Variants in PTPRD observed in about 807,000 individuals in gnomAD.
The protein encoded by PTPRD is protein tyrosine phosphatase receptor type D, also known as receptor-type tyrosine-protein phosphatase delta.
A neutral mutation model predicts 214.5 loss-of-function variants in PTPRD; 34 were observed. That is an observed-to-expected ratio of 0.16 (90% CI 0.12 to 0.21). The LOEUF (loss-of-function observed/expected upper bound fraction) is 0.21, where lower values mean the gene tolerates loss of function less well. Among genes scored for constraint, PTPRD ranks in the 10% least tolerant of loss-of-function variants. PTPRD has a pLI of 1.00. For synonymous variants in PTPRD, 1,128 were observed against 845.7 expected, an observed-to-expected ratio of 1.33 and a Z score of -5.79; for missense variants, 2,545 against 2,398.7, an observed-to-expected ratio of 1.06 and a Z score of -1.27.
chr9:9,167,748 T>A (rs1014244633), intron 10 of PTPRD, among the ~76,000 whole-genome samples: 2 of 152,100 alleles, frequency 1.3e-5, no homozygotes, highest in Non-Finnish European at 2.9e-5. Context: ...AGAGCAAAAC[T>A]CTGTCTTAAA....
intron 10 of PTPRD, among the ~76,000 whole-genome samples, chr9:9,075,365 T>A (rs1041431553): frequency 3.3e-5 from 5 of 152,132 alleles, no homozygotes; most frequent in Non-Finnish European, 7.4e-5. Flanking sequence ...AATCACCCCG[T>A]TGTACTTTCA....
At chr9:9,381,896 C>T (rs547859658) in intron 9 of PTPRD, among the ~76,000 whole-genome samples, 8 of 138,758 alleles carry the variant, frequency 5.8e-5, no homozygotes, top group African/African-American at 1.9e-4. Flanking sequence ...ATTGTTTTGA[C>T]TATTTCTGTA....
intron 10 of PTPRD, among the ~76,000 whole-genome samples, chr9:9,161,554 G>C (rs536654570): frequency 2.0e-5 from 3 of 152,028 alleles, no homozygotes; most frequent in Non-Finnish European, 4.4e-5. Context: ...AGAAGCTAGA[G>C]ATGTAACAAA....
At chr9:9,845,563 G>C (rs1044970944) in intron 5 of PTPRD, among the ~76,000 whole-genome samples, 1 of 151,760 alleles carries the variant, frequency 6.6e-6, no homozygotes, top group African/African-American at 2.4e-5. Flanking sequence ...TTCTGATATG[G>C]CTAGAGACTC....
At chr9:8,950,554 GCT>G (rs1188637014) in intron 11 of PTPRD, among the ~76,000 whole-genome samples, 2 of 151,284 alleles carry the variant, frequency 1.3e-5, no homozygotes, top group African/African-American at 4.9e-5. Flanking sequence ...AAATAACAGA[GCT>G]CTCTGTAATG....
chr9:9,241,940 C>T (rs4554527), intron 9 of PTPRD, among the ~76,000 whole-genome samples: 75,642 of 151,216 alleles, frequency 0.5, 19,061 homozygotes, highest in African/African-American at 0.55. Context: ...TTCCCAGCAT[C>T]GATGGTCTTT....
At chr9:9,212,356 C>G (rs991919859) in intron 9 of PTPRD, among the ~76,000 whole-genome samples, 1 of 152,184 alleles carries the variant, frequency 6.6e-6, no homozygotes, top group East Asian at 1.9e-4. Flanking sequence ...GTGATTTTTC[C>G]CTATGCTGAA....
chr9:8,587,786 G>A (rs952363934), intron 14 of PTPRD, among the ~76,000 whole-genome samples: 1 of 152,196 alleles, frequency 6.6e-6, no homozygotes, highest in African/African-American at 2.4e-5. Context: ...AAAACACTTA[G>A]TAGGAAAGGA....
At chr9:8,807,266 GGCAGAGGTTGCAGTGA>G (rs1462655086) in intron 11 of PTPRD, among the ~76,000 whole-genome samples, 2 of 152,090 alleles carry the variant, frequency 1.3e-5, no homozygotes, top group Non-Finnish European at 2.9e-5. Context: ...GAACCCGGGA[GGCAGAGGTTGCAGTGA>G]GCCGAGATCG....
At chr9:10,491,167 G>A (rs1433729638) in intron 2 of PTPRD, among the ~76,000 whole-genome samples, 1 of 152,092 alleles carries the variant, frequency 6.6e-6, no homozygotes, top group Non-Finnish European at 1.5e-5. Context: ...ATGAATACAT[G>A]AATATGAGTA....
rs1026212692 is a variant in PTPRD, at chr9:10,358,908, G to T, written c.-599-17891C>A. Among the ~76,000 whole-genome samples, 5 of 151,958 alleles carry T rather than the reference G, an allele frequency of 3.3e-5. No homozygotes were observed. In the South Asian group the frequency reaches 1.0e-3, roughly 31 times the overall value. Reference sequence around the variant, plus strand: ...GTAAACATGTGTATCTTCCATGGTTGCTGGTTGGTATACTGTAGTATGCAA... The same window carrying T: ...GTAAACATGTGTATCTTCCATGGTTTCTGGTTGGTATACTGTAGTATGCAA... On this transcript the variant is annotated intron_variant, in intron 2 of 45. Coordinates refer to ENST00000381196, the MANE Select transcript of PTPRD (RefSeq NM_002839.4).
At chr9:9,229,085 T>C (rs1450707207) in intron 9 of PTPRD, among the ~76,000 whole-genome samples, 1 of 152,308 alleles carries the variant, frequency 6.6e-6, no homozygotes, top group Middle Eastern at 3.4e-3. Context: ...GACCTTTTTG[T>C]TTCCCTGTAA....
chr9:9,039,124 C>T (rs1024684010), intron 10 of PTPRD, among the ~76,000 whole-genome samples: 1 of 152,106 alleles, frequency 6.6e-6, no homozygotes, highest in Admixed American at 6.6e-5. Flanking sequence ...ACAAGCTATA[C>T]ACATGGATAG....
chr9:9,481,960 C>A (rs1237408911), intron 8 of PTPRD, among the ~76,000 whole-genome samples: 1 of 152,048 alleles, frequency 6.6e-6, no homozygotes, highest in East Asian at 1.9e-4. Flanking sequence ...TGAATTATCA[C>A]AGGTATATTT....
intron 12 of PTPRD, among the ~76,000 whole-genome samples, chr9:8,670,171 T>C (rs896809347): frequency 1.3e-5 from 2 of 152,136 alleles, no homozygotes; most frequent in Non-Finnish European, 2.9e-5. Flanking sequence ...CAGAAAAAGA[T>C]CTACTTATTT....
At chr9:9,275,195 T>TC (rs1945042278) in intron 9 of PTPRD, among the ~76,000 whole-genome samples, 1 of 10,170 alleles carries the variant, frequency 9.8e-5, no homozygotes, top group Non-Finnish European at 2.9e-4. Flanking sequence ...TATATATATA[T>TC]ATATTATATA....
At chr9:9,688,700 A>C (rs1257979627) in intron 7 of PTPRD, among the ~76,000 whole-genome samples, 1 of 151,852 alleles carries the variant, frequency 6.6e-6, no homozygotes, top group African/African-American at 2.4e-5. Flanking sequence ...TAATCTCTTA[A>C]TATTCTATTT....
intron 9 of PTPRD, among the ~76,000 whole-genome samples, chr9:9,189,319 TTGC>T (rs1282342801): frequency 6.6e-6 from 1 of 152,120 alleles, no homozygotes; most frequent in Non-Finnish European, 1.5e-5. Flanking sequence ...AGGTGCACAG[TTGC>T]TCAGTGATTT....
chr9:9,121,330 C>T (rs1476614168), intron 10 of PTPRD, among the ~76,000 whole-genome samples: 1 of 152,100 alleles, frequency 6.6e-6, no homozygotes. Context: ...TGGGTATCTA[C>T]CCAGAGGAAA....
Sources: gnomAD v4.1 joint callset for allele counts (sites outside exome capture counted in the v4.1 genomes callset) on GRCh38, gnomAD v4.1.1 for gene constraint, MANE v1.5 for transcripts, NCBI Gene and HGNC (gene_info 2026-07-23, HGNC 2026-07-21) for gene names.